EYS: variants seen among roughly 807,000 people sequenced by gnomAD.
The protein encoded by EYS is protein eyes shut homolog.
In EYS, 250 loss-of-function variants were observed where a neutral mutation model predicts 282.1. That is an observed-to-expected ratio of 0.89 (90% CI 0.80 to 0.98). EYS has a LOEUF of 0.98. Among genes scored for constraint, EYS ranks in the 50% least tolerant of loss-of-function variants. EYS has a pLI of 0.00. For synonymous variants in EYS, 1,355 were observed against 1,282.9 expected (o/e 1.06, Z -1.20); for missense variants, 4,016 against 3,709.0 (o/e 1.08, Z -2.15).
chr6:65,612,247 T>C lies in EYS; in HGVS notation c.-333+27531A>G, dbSNP rs570299548. ...TATGTGTATATGTATATATCATATA[T>C]ATTTATTATGTATGACATATAATCC... On this transcript the variant is annotated intron_variant, in intron 2 of 42. Coordinates refer to ENST00000503581, the MANE Select transcript of EYS (RefSeq NM_001142800.2). Among the ~76,000 whole-genome samples the C allele has an allele frequency of 4.0e-5, 6 of 151,052 alleles. No homozygotes were observed. In the South Asian group the frequency reaches 1.2e-3, roughly 31 times the overall value.
intron 29 of EYS, among the ~76,000 whole-genome samples, chr6:64,330,439 G>A (rs945662969): frequency 6.6e-6 from 1 of 152,150 alleles, no homozygotes; most frequent in East Asian, 1.9e-4. Flanking sequence ...CCTCCTGTGG[G>A]GAAAAGAGCA....
At chr6:64,423,999 A>G (rs753782962) in intron 28 of EYS, among the ~76,000 whole-genome samples, 1 of 152,200 alleles carries the variant, frequency 6.6e-6, no homozygotes, top group Non-Finnish European at 1.5e-5. Flanking sequence ...TTCATTTTGC[A>G]TTCCCTTTTA....
chr6:65,130,846 A>T (rs1203505102), intron 12 of EYS, among the ~76,000 whole-genome samples: 1 of 151,636 alleles, frequency 6.6e-6, no homozygotes, highest in African/African-American at 2.4e-5. Flanking sequence ...ACTAAAAAAA[A>T]ATAATTAATA....
chr6:65,008,299 CT>C (rs1185299095), intron 13 of EYS, among the ~76,000 whole-genome samples: 3 of 152,126 alleles, frequency 2.0e-5, no homozygotes, highest in Non-Finnish European at 2.9e-5. Context: ...GCCAACTAAT[CT>C]TAAAGGATAA....
chr6:64,420,934 T>G (rs567904562), intron 28 of EYS, among the ~76,000 whole-genome samples: 1 of 152,302 alleles, frequency 6.6e-6, no homozygotes, highest in African/African-American at 2.4e-5. Context: ...CATTTTTCTT[T>G]CTTCTTCTGA....
intron 22 of EYS, among the ~76,000 whole-genome samples, chr6:64,646,151 C>G (rs1768341714): frequency 1.3e-5 from 2 of 152,138 alleles, no homozygotes; most frequent in East Asian, 3.9e-4. Flanking sequence ...CCGGCAGGGG[C>G]TACAAGGCAT....
At chr6:65,083,397 C>T (rs1445813576) in intron 12 of EYS, among the ~76,000 whole-genome samples, 2 of 151,880 alleles carry the variant, frequency 1.3e-5, no homozygotes, top group Admixed American at 6.6e-5. Flanking sequence ...ATATAAAAAT[C>T]TATAGGTAGC....
chr6:64,417,589 GTTA>G (rs1003540238), intron 28 of EYS, among the ~76,000 whole-genome samples: 1 of 149,636 alleles, frequency 6.7e-6, no homozygotes, highest in Non-Finnish European at 1.5e-5. Flanking sequence ...TTGCATACTA[GTTA>G]TTATTTCAGG....
In EYS at chr6:63,721,280, C is replaced by G. The variant is rs1768375880; in HGVS notation, c.8751G>C (p.Leu2917Phe). Residue 2917 changes from leucine to phenylalanine, a missense_variant, in exon 43 of 43, where the codon TTG becomes TTC. Transcript: ENST00000503581. The part of the protein sequence containing the change: ...GNTCNQSVSC[L>F]NNLCLHQSLC... ...AAGATTGGTGGAGGCAAAGATTATT[C>G]AAACAGGACACAGACTGGTTACATG... 1.9e-6 allele frequency: 3 copies of G among 1,551,810 alleles called. No homozygotes were observed. The African/African-American group carries it at 4.1e-5, about 21-fold the overall frequency.
chr6:64,295,934 T>C (rs1582553409), intron 30 of EYS, among the ~76,000 whole-genome samples: 1 of 152,152 alleles, frequency 6.6e-6, no homozygotes, highest in Non-Finnish European at 1.5e-5. Flanking sequence ...TTAAATATTT[T>C]ATAAAGATAT....
At chr6:65,563,866 ATATT>A (rs755148430) in intron 2 of EYS, among the ~76,000 whole-genome samples, 10 of 152,140 alleles carry the variant, frequency 6.6e-5, no homozygotes, top group Non-Finnish European at 1.2e-4. Flanking sequence ...ACATGATTGT[ATATT>A]TAGAAAACCC....
At chr6:65,138,170 G>T (rs1776075554) in intron 12 of EYS, among the ~76,000 whole-genome samples, 1 of 151,992 alleles carries the variant, frequency 6.6e-6, no homozygotes, top group African/African-American at 2.4e-5. Context: ...GAGTCCTATT[G>T]AGGAAAAAAT....
chr6:65,394,076 T>A (rs1215866744), intron 7 of EYS, among the ~76,000 whole-genome samples: 2 of 152,052 alleles, frequency 1.3e-5, no homozygotes, highest in Admixed American at 6.6e-5. Context: ...ACTTGAAAAA[T>A]TTTTATGAGA....
intron 12 of EYS, among the ~76,000 whole-genome samples, chr6:65,253,342 T>C (rs1347912846): frequency 6.6e-6 from 1 of 151,952 alleles, no homozygotes; most frequent in East Asian, 1.9e-4. Flanking sequence ...TCCTGGTGTT[T>C]GTTTTAAAAG....
At chr6:65,224,438 T>C (rs1382683060) in intron 12 of EYS, among the ~76,000 whole-genome samples, 1 of 152,084 alleles carries the variant, frequency 6.6e-6, no homozygotes, top group African/African-American at 2.4e-5. Flanking sequence ...TTTCTATCAA[T>C]AAGTACCTAC....
At chr6:64,191,478 C>CA (rs1409506186) in intron 31 of EYS, among the ~76,000 whole-genome samples, 1 of 116,582 alleles carries the variant, frequency 8.6e-6, no homozygotes, top group Non-Finnish European at 1.6e-5. Context: ...GCTATCCCTT[C>CA]CCCCCCCACC....
At chr6:65,583,880 T>C (rs1160157981) in intron 2 of EYS, among the ~76,000 whole-genome samples, 2 of 152,022 alleles carry the variant, frequency 1.3e-5, no homozygotes, top group East Asian at 3.9e-4. Context: ...AATATGTTCA[T>C]ATTAACATAC....
At chr6:64,086,666 C>T (rs942957207) in intron 31 of EYS, among the ~76,000 whole-genome samples, 8 of 152,050 alleles carry the variant, frequency 5.3e-5, no homozygotes, top group Non-Finnish European at 8.8e-5. Flanking sequence ...GCATTGTATC[C>T]GCAACTTTTT....
chr6:64,443,171 G>A (rs528154894), intron 26 of EYS, among the ~76,000 whole-genome samples: 1 of 152,340 alleles, frequency 6.6e-6, no homozygotes, highest in East Asian at 1.9e-4. Flanking sequence ...AAGACATGGA[G>A]TCAAAGGAGA....
Sources: allele counts gnomAD v4.1 joint callset (sites outside exome capture counted in the v4.1 genomes callset), GRCh38; gene constraint gnomAD v4.1.1; transcripts MANE v1.5; gene names NCBI Gene and HGNC (gene_info 2026-07-23, HGNC 2026-07-21).